Variants in ADARB2 observed in about 807,000 individuals in gnomAD.
ADARB2 encodes adenosine deaminase RNA specific B2 (inactive).
ADARB2 carries 25 observed loss-of-function variants against 62.2 expected under a neutral mutation model. The observed-to-expected ratio is 0.40, with a 90% CI of 0.29 to 0.56. The LOEUF (loss-of-function observed/expected upper bound fraction) is 0.56. Ranked by LOEUF, ADARB2 falls within the 20% of genes least tolerant of loss-of-function variation. The pLI, the probability that ADARB2 is intolerant of heterozygous loss-of-function variation, is 0.43. For synonymous variants in ADARB2, 572 were observed against 500.8 expected (o/e 1.14, Z -1.90); for missense variants, 1,071 against 1,077.4 (o/e 0.99, Z 0.08).
chr10:1,726,612 T>C (rs1417524057), intron 1 of ADARB2, among the ~76,000 whole-genome samples: 1 of 152,156 alleles, frequency 6.6e-6, no homozygotes, highest in Non-Finnish European at 1.5e-5. Flanking sequence ...CATGCTCTGT[T>C]GAGAGTCAGA....
At chr10:1,275,058 C>T (rs1328135742) in intron 3 of ADARB2, among the ~76,000 whole-genome samples, 1 of 152,232 alleles carries the variant, frequency 6.6e-6, no homozygotes, top group African/African-American at 2.4e-5. Flanking sequence ...TAGGCTCCCA[C>T]TATGAACCAA....
chr10:1,211,202 CATT>C (rs938279060), intron 7 of ADARB2, among the ~76,000 whole-genome samples: 9 of 151,828 alleles, frequency 5.9e-5, no homozygotes, highest in African/African-American at 1.9e-4. Context: ...TATCATCTAT[CATT>C]ATCATCTATC....
Position 1,363,210 on chromosome 10 carries a change from C to A in ADARB2, c.895G>T (p.Ala299Ser). ...GLRYVCLAEP[A>S]ERRARSFVMA... ...ACGAAGCTCCGCGCGCGCCGCTCGG[C>A]CGGTTCTGCCAGACACACGTAGCGC... Residue 299 changes from alanine (A) to serine (S), a missense_variant, in exon 3 of 10, where the codon GCC becomes TCC. Ala to Ser is a moderately conservative substitution (Grantham distance 99). Coordinates refer to ENST00000381312, the MANE Select transcript of ADARB2 (RefSeq NM_018702.4). 1 of 1,467,764 alleles carries A rather than the reference C, an allele frequency of 6.8e-7. No individual in the cohort carries two copies. The highest frequency in any genetic ancestry group is 1.3e-5 in the South Asian group (1 of 75,572). The allele number at this position is 1,467,764 out of a possible 1,614,324, so 90.9% of individuals were successfully genotyped here.
chr10:1,439,303 G>C (rs1212589165), intron 1 of ADARB2, among the ~76,000 whole-genome samples: 4 of 136,466 alleles, frequency 2.9e-5, no homozygotes, highest in Non-Finnish European at 6.3e-5. Context: ...TCACTATGGG[G>C]CTTCTGAGTC....
Position 1,363,533 on chromosome 10 carries a change from T to C in ADARB2, c.572A>G (p.Gln191Arg). The change falls in exon 3 of 10, where the codon CAG becomes CGG. Residue 191 changes from glutamine to arginine, a missense_variant. Physicochemically the swap from Gln to Arg is conservative, Grantham distance 43. Transcript: ENST00000381312. ...AAELALRSFV[Q>R]FPNACQAHLA... ...GTGCGCCTGGCAGGCGTTGGGGAAC[T>C]GCACGAAGGACCTGAGTGCCAGCTC... 2 of 1,552,142 alleles carry C rather than the reference T, an allele frequency of 1.3e-6. No individual in the cohort carries two copies. Among genetic ancestry groups the C allele is most frequent in the South Asian group, 1.2e-5 (1 of 82,722 alleles).
intron 8 of ADARB2, among the ~76,000 whole-genome samples, chr10:1,187,404 GCCT>G (rs892870718): frequency 1.3e-4 from 20 of 151,980 alleles, no homozygotes; most frequent in Admixed American, 2.6e-4. Context: ...TCGCCAGGCG[GCCT>G]CCCCTCCTCC....
chr10:1,366,886 G>GT (rs1350050354), intron 2 of ADARB2, among the ~76,000 whole-genome samples: 1 of 152,174 alleles, frequency 6.6e-6, no homozygotes, highest in Non-Finnish European at 1.5e-5. Flanking sequence ...GTGTGGATGA[G>GT]TTTTTTCTCA....
chr10:1,705,565 TACAG>T (rs1384148939), intron 1 of ADARB2, among the ~76,000 whole-genome samples: 1 of 152,210 alleles, frequency 6.6e-6, no homozygotes, highest in African/African-American at 2.4e-5. Flanking sequence ...GGAGATTGTT[TACAG>T]ACAGTTTTGT....
intron 1 of ADARB2, among the ~76,000 whole-genome samples, chr10:1,467,906 G>C (rs1831272243): frequency 6.6e-6 from 1 of 152,124 alleles, no homozygotes; most frequent in Admixed American, 6.5e-5. Context: ...GGACATTGAG[G>C]ACCCGTAATT....
intron 3 of ADARB2, among the ~76,000 whole-genome samples, chr10:1,345,323 G>C (rs1832071065): frequency 6.6e-6 from 1 of 152,192 alleles, no homozygotes; most frequent in Non-Finnish European, 1.5e-5. Context: ...GGAAACCCTG[G>C]CTGCTCCGCA....
chr10:1,358,446 T>G (rs1288630899), intron 3 of ADARB2, among the ~76,000 whole-genome samples: 1 of 152,180 alleles, frequency 6.6e-6, no homozygotes, highest in Non-Finnish European at 1.5e-5. Context: ...TTTTATGTCT[T>G]GAATACCTGC....
chr10:1,250,294 A>C (rs1831024809), intron 4 of ADARB2, among the ~76,000 whole-genome samples: 1 of 151,992 alleles, frequency 6.6e-6, no homozygotes, highest in Non-Finnish European at 1.5e-5. Flanking sequence ...TTTGGTCCTC[A>C]GTGTGGCGGT....
At chr10:1,332,248 T>C (rs1831934860) in intron 3 of ADARB2, among the ~76,000 whole-genome samples, 1 of 151,730 alleles carries the variant, frequency 6.6e-6, no homozygotes, top group Non-Finnish European at 1.5e-5. Flanking sequence ...CACAAAACAA[T>C]AAAAAATTAG....
intron 1 of ADARB2, among the ~76,000 whole-genome samples, chr10:1,661,619 G>A (rs1260230042): frequency 6.6e-6 from 1 of 152,156 alleles, no homozygotes; most frequent in African/African-American, 2.4e-5. Context: ...GCCAGGGTGG[G>A]GAGTACAGAA....
chr10:1,628,030 G>C (rs999119112), intron 1 of ADARB2, among the ~76,000 whole-genome samples: 1 of 152,176 alleles, frequency 6.6e-6, no homozygotes, highest in African/African-American at 2.4e-5. Context: ...GTGGGCTTTC[G>C]CCCATCCCTC....
intron 2 of ADARB2, among the ~76,000 whole-genome samples, chr10:1,374,540 G>A (rs980238755): frequency 6.6e-6 from 1 of 152,196 alleles, no homozygotes; most frequent in Admixed American, 6.5e-5. Context: ...TGCAAAGCCG[G>A]ATGGCCTAGG....
rs1367040567 is a variant in ADARB2, at chr10:1,233,967, TTTTTTTTTTCC to T, written c.1362-133_1362-123del. 189 of 720,166 alleles carry T rather than the reference TTTTTTTTTTCC, an allele frequency of 2.6e-4. 5 individuals are homozygous for T. The African/African-American group carries it at 6.2e-3, about 23-fold the overall frequency. 44.6% of individuals were successfully genotyped at this position (720,166 alleles called of 1,614,324 possible). On this transcript the variant is annotated intron_variant, in intron 5 of 9. Transcript: ENST00000381312. ...CCCAAGTTTTCCTTTATATTTTTCCTTTTTTTTTTCCTTTTTTTTTTGAGACGGAGTCTTGT... is the reference window on the plus strand; with the variant it reads ...CCCAAGTTTTCCTTTATATTTTTCCTTTTTTTTTTTGAGACGGAGTCTTGT...
chr10:1,692,469 A>AT (rs1285452792), intron 1 of ADARB2, among the ~76,000 whole-genome samples: 1 of 152,152 alleles, frequency 6.6e-6, no homozygotes, highest in Non-Finnish European at 1.5e-5. Context: ...TTTCCATAGG[A>AT]TTGAGTCCAC....
At chr10:1,610,562 C>G (rs939658701) in intron 1 of ADARB2, among the ~76,000 whole-genome samples, 2 of 152,222 alleles carry the variant, frequency 1.3e-5, no homozygotes, top group African/African-American at 4.8e-5. Context: ...CTGCCGGGGT[C>G]CTCATCCAGC....
Sources: gnomAD v4.1 joint callset for allele counts (sites outside exome capture counted in the v4.1 genomes callset) on GRCh38, gnomAD v4.1.1 for gene constraint, MANE v1.5 for transcripts, NCBI Gene and HGNC (gene_info 2026-07-23, HGNC 2026-07-21) for gene names.